GRIN3A: variants seen among roughly 807,000 people sequenced by gnomAD.
GRIN3A encodes the protein glutamate receptor ionotropic, NMDA 3A.
GRIN3A carries 47 observed loss-of-function variants against 92.4 expected under a neutral mutation model. The observed-to-expected ratio is 0.51, with a 90% CI of 0.40 to 0.65. The LOEUF (loss-of-function observed/expected upper bound fraction) is 0.65. GRIN3A is among the 30% of genes least tolerant of loss of function. The pLI, the probability that GRIN3A is intolerant of heterozygous loss-of-function variation, is 0.00. For synonymous variants in GRIN3A, 527 were observed against 540.6 expected (o/e 0.97, Z 0.35); for missense variants, 1,324 against 1,393.1 (o/e 0.95, Z 0.79).
chr9:101,593,919 G>A (rs1828069819), intron 6 of GRIN3A: 1 of 153,418 alleles, frequency 6.5e-6, no homozygotes, highest in African/African-American at 2.4e-5. Flanking sequence ...AAGTGATTAC[G>A]AGATGCCCAG....
At chr9:101,579,386 C>A in intron 6 of GRIN3A, 26 bp from the exon 7 acceptor site, 1 of 1,612,288 alleles carries the variant, frequency 6.2e-7, no homozygotes, top group African/African-American at 1.3e-5. Context: ...AAAGAAAAGG[C>A]CATGAATACA....
chr9:101,583,407 T>C (rs1374136567), intron 6 of GRIN3A, among the ~76,000 whole-genome samples: 1 of 152,200 alleles, frequency 6.6e-6, no homozygotes, highest in Non-Finnish European at 1.5e-5. Flanking sequence ...CAGCTGCCTT[T>C]GTAATTCAGC....
intron 6 of GRIN3A, among the ~76,000 whole-genome samples, chr9:101,597,084 G>A (rs1463347894): frequency 1.3e-5 from 2 of 152,178 alleles, no homozygotes; most frequent in African/African-American, 4.8e-5. Context: ...CTATGGTAAA[G>A]CAATTCTTCC....
At chr9:101,637,185 T>TG (rs1425199967) in intron 3 of GRIN3A, among the ~76,000 whole-genome samples, 2 of 152,028 alleles carry the variant, frequency 1.3e-5, no homozygotes, top group Non-Finnish European at 2.9e-5. Context: ...CTCCGCCTCC[T>TG]GGGTTCGCAC....
chr9:101,618,868 G>T (rs899250657), intron 5 of GRIN3A, among the ~76,000 whole-genome samples: 5 of 152,118 alleles, frequency 3.3e-5, no homozygotes, highest in Non-Finnish European at 5.9e-5. Context: ...AGCCTGAGTT[G>T]CTTTCATTAT....
chr9:101,618,364 A>T (rs1215345205), intron 5 of GRIN3A, among the ~76,000 whole-genome samples: 4 of 151,856 alleles, frequency 2.6e-5, no homozygotes, highest in Non-Finnish European at 4.4e-5. Flanking sequence ...AAAACAAACA[A>T]CCCCATCAAA....
At chr9:101,630,415 T>G (rs971966390) in intron 3 of GRIN3A, among the ~76,000 whole-genome samples, 1 of 152,228 alleles carries the variant, frequency 6.6e-6, no homozygotes, top group Non-Finnish European at 1.5e-5. Flanking sequence ...AAGTAATCTT[T>G]GACCTTTCCG....
intron 1 of GRIN3A, among the ~76,000 whole-genome samples, chr9:101,728,246 T>C (rs1399790796): frequency 1.3e-5 from 2 of 152,142 alleles, no homozygotes; most frequent in Non-Finnish European, 2.9e-5. Flanking sequence ...GGCTTCTGGT[T>C]GAGGCCTTCT....
intron 1 of GRIN3A, among the ~76,000 whole-genome samples, chr9:101,691,170 A>G (rs753925811): frequency 6.6e-6 from 1 of 152,194 alleles, no homozygotes; most frequent in Non-Finnish European, 1.5e-5. Flanking sequence ...ACTAGTCAAT[A>G]AGGAAATAGA....
Position 101,613,482 on chromosome 9 carries a change from A to G in GRIN3A, c.2660T>C (p.Ile887Thr), listed in dbSNP as rs763619570. 1 of 1,614,210 alleles carries G rather than the reference A, an allele frequency of 6.2e-7. No individual in the cohort carries two copies. Among genetic ancestry groups the G allele is most frequent in the Admixed American group, 1.7e-5 (1 of 60,036 alleles). The change falls in exon 6 of 9, where the codon ATA (isoleucine) becomes ACA (threonine). Residue 887 changes from isoleucine (I) to threonine (T), a missense_variant. By Grantham distance (89) the Ile-to-Thr change is moderately conservative (BLOSUM62 -1). Transcript: ENST00000361820. ...CTTGTATTGACTGATTAGCTCGGAT[A>G]TGTTGGCGGTCAATGGAGAGTTGGG... ...LPPNSPLTAN[I>T]SELISQYKSH...
chr9:101,591,285 T>A (rs1828020814), intron 6 of GRIN3A, among the ~76,000 whole-genome samples: 1 of 152,204 alleles, frequency 6.6e-6, no homozygotes, highest in African/African-American at 2.4e-5. Context: ...GCAATTTACC[T>A]CTTTGGGCTT....
Position 101,573,229 on chromosome 9 carries a change from C to T in GRIN3A, c.3293G>A (p.Ser1098Asn), listed in dbSNP as rs1165073565. The stretch of plus-strand genomic sequence containing the variant: ...ATACTCCTCCAGCTCCGTTTTCCTG[C>T]TCACAGCCAGCTGCAGCTCCTGACG... ...VIRQELQLAVSRKTELEEYQR... is the reference protein window; with the variant it reads ...VIRQELQLAVNRKTELEEYQR... Residue 1098 changes from serine to asparagine, a missense_variant, in exon 9 of 9, where the codon AGC becomes AAC. Physicochemically the swap from Ser to Asn is conservative, Grantham distance 46 (BLOSUM62 1). Transcript: ENST00000361820. 2 of 1,614,012 alleles carry T rather than the reference C, an allele frequency of 1.2e-6. No homozygotes were observed. The highest frequency in any genetic ancestry group is 2.2e-5 in the East Asian group (1 of 44,882).
chr9:101,698,913 C>T (rs2118996894), intron 1 of GRIN3A, among the ~76,000 whole-genome samples: 1 of 152,192 alleles, frequency 6.6e-6, no homozygotes, highest in East Asian at 1.9e-4. Context: ...CATGATCTGC[C>T]CACGTTGGTC....
intron 3 of GRIN3A, among the ~76,000 whole-genome samples, chr9:101,638,568 C>T (rs1828813296): frequency 6.6e-6 from 1 of 152,234 alleles, no homozygotes; most frequent in African/African-American, 2.4e-5. Context: ...GCTGCCAACA[C>T]TATTGGTGTT....
At chr9:101,719,789 G>C (rs1219993868) in intron 1 of GRIN3A, among the ~76,000 whole-genome samples, 3 of 152,150 alleles carry the variant, frequency 2.0e-5, no homozygotes, top group Non-Finnish European at 4.4e-5. Flanking sequence ...CCACTACCCA[G>C]TACTATTTAG....
At chr9:101,665,401 ACAGCAGGCAGGTGTTCAAGAGCATTAACG>A (rs1829225460) in intron 3 of GRIN3A, among the ~76,000 whole-genome samples, 9 of 152,084 alleles carry the variant, frequency 5.9e-5, no homozygotes, top group Admixed American at 5.9e-4. Flanking sequence ...ATGGGGAAGC[ACAGCAGGCAGGTGTTCAAGAGCATTAACG>A]GGGAAGCACA....
At chr9:101,690,612 C>T (rs977804912) in intron 1 of GRIN3A, among the ~76,000 whole-genome samples, 5 of 152,018 alleles carry the variant, frequency 3.3e-5, no homozygotes, top group East Asian at 3.9e-4. Context: ...ATGGATCAGA[C>T]TGTAAATATT....
chr9:101,670,808 C>A lies in GRIN3A; in HGVS notation c.1604G>T (p.Gly535Val). 1 of 1,614,066 alleles carries A rather than the reference C, an allele frequency of 6.2e-7. No individual in the cohort carries two copies. Among genetic ancestry groups the A allele is most frequent in the South Asian group, 1.1e-5 (1 of 91,088 alleles). Reference sequence around the variant, plus strand: ...ACAGAGTTGGCCAGCAGGGCACAAGCCTTCATCATCTACCTCCCTTGTGAA... The same window carrying A: ...ACAGAGTTGGCCAGCAGGGCACAAGACTTCATCATCTACCTCCCTTGTGAA... ...FVFTREVDDE[G>V]LCPAGQLCLD... is the part of the protein sequence containing the mutation. The change falls in exon 3 of 9, where the codon GGC (glycine) becomes GTC (valine). Residue 535 changes from glycine (G) to valine (V), a missense_variant. By Grantham distance (109) the Gly-to-Val change is moderately radical. Transcript: ENST00000361820.
chr9:101,734,305 T>G (rs796100099), intron 1 of GRIN3A, among the ~76,000 whole-genome samples: 11 of 152,318 alleles, frequency 7.2e-5, no homozygotes, highest in African/African-American at 2.6e-4. Flanking sequence ...AAGAATAGAA[T>G]TTAGAACAAA....
Sources: gnomAD v4.1 joint callset for allele counts (sites outside exome capture counted in the v4.1 genomes callset) on GRCh38, gnomAD v4.1.1 for gene constraint, MANE v1.5 for transcripts, NCBI Gene and HGNC (gene_info 2026-07-23, HGNC 2026-07-21) for gene names.